Variants in AUTS2 observed in about 807,000 individuals in gnomAD.
AUTS2 encodes autism susceptibility gene 2 protein.
Under a neutral mutation model 112.4 loss-of-function variants are expected in AUTS2, and 17 were observed. The observed-to-expected ratio is 0.15, with a 90% CI of 0.10 to 0.23. The LOEUF (loss-of-function observed/expected upper bound fraction) is 0.23. AUTS2 is among the 10% of genes least tolerant of loss of function. The pLI, the probability that AUTS2 is intolerant of heterozygous loss-of-function variation, is 1.00. For synonymous variants in AUTS2, 751 were observed against 702.7 expected (o/e 1.07, Z -1.09); for missense variants, 1,510 against 1,701.6 (o/e 0.89, Z 1.98).
At chr7:69,738,336 G>T (rs1486623583) in intron 1 of AUTS2, among the ~76,000 whole-genome samples, 2 of 152,028 alleles carry the variant, frequency 1.3e-5, no homozygotes, top group Non-Finnish European at 2.9e-5. Flanking sequence ...ACTGTTCGTG[G>T]TATTTTATGT....
chr7:69,632,778 C>T (rs1226186407), intron 1 of AUTS2, among the ~76,000 whole-genome samples: 1 of 152,108 alleles, frequency 6.6e-6, no homozygotes, highest in Non-Finnish European at 1.5e-5. Context: ...AGAGCCACAA[C>T]ACTAAGTTTT....
At chr7:70,685,936 G>A (rs1480091258) in intron 5 of AUTS2, among the ~76,000 whole-genome samples, 2 of 152,140 alleles carry the variant, frequency 1.3e-5, no homozygotes, top group Non-Finnish European at 2.9e-5. Flanking sequence ...CCCATGCCCG[G>A]GAGCCCATGG....
intron 4 of AUTS2, among the ~76,000 whole-genome samples, chr7:70,186,682 C>T (rs1178698419): frequency 6.6e-6 from 1 of 152,158 alleles, no homozygotes; most frequent in East Asian, 1.9e-4. Flanking sequence ...GATTCTCCTG[C>T]CTCAGCCTTC....
intron 2 of AUTS2, among the ~76,000 whole-genome samples, chr7:70,021,182 A>G (rs1361782130): frequency 1.3e-5 from 2 of 151,798 alleles, no homozygotes; most frequent in African/African-American, 4.8e-5. Context: ...GGGTTTCTGT[A>G]TGTTGGTCAG....
chr7:70,243,717 C>T (rs1028149957), intron 4 of AUTS2, among the ~76,000 whole-genome samples: 28 of 152,134 alleles, frequency 1.8e-4, no homozygotes, highest in African/African-American at 6.3e-4. Context: ...GTACAATCTT[C>T]TAGACACATT....
chr7:70,325,024 G>A (rs932398711), intron 4 of AUTS2, among the ~76,000 whole-genome samples: 1 of 152,186 alleles, frequency 6.6e-6, no homozygotes. Context: ...GGAGAGATGA[G>A]CCAGGGTCCA....
intron 4 of AUTS2, among the ~76,000 whole-genome samples, chr7:70,228,475 T>C (rs1053905554): frequency 3.2e-4 from 48 of 152,034 alleles, no homozygotes; most frequent in Admixed American, 1.8e-3. Context: ...TTCATCTTTT[T>C]TTGTTCAGTT....
At chr7:70,617,066 A>G (rs1043305400) in intron 5 of AUTS2, among the ~76,000 whole-genome samples, 5 of 152,224 alleles carry the variant, frequency 3.3e-5, no homozygotes, top group Middle Eastern at 3.4e-3. Flanking sequence ...TTTTCATGTG[A>G]TGGTAAGACA....
At chr7:69,829,624 A>T (rs1372849706) in intron 1 of AUTS2, among the ~76,000 whole-genome samples, 6 of 152,230 alleles carry the variant, frequency 3.9e-5, no homozygotes, top group Non-Finnish European at 8.8e-5. Flanking sequence ...GCCAAAAAAC[A>T]TATGAAAAAA....
At chr7:70,139,086 C>T (rs968952183) in intron 4 of AUTS2, among the ~76,000 whole-genome samples, 8 of 152,196 alleles carry the variant, frequency 5.3e-5, no homozygotes, top group African/African-American at 1.9e-4. Context: ...CCCACCTCAG[C>T]CTTCCCAGTA....
chr7:70,146,422 G>A (rs754708135), intron 4 of AUTS2, among the ~76,000 whole-genome samples: 8 of 151,996 alleles, frequency 5.3e-5, no homozygotes, highest in East Asian at 3.9e-4. Flanking sequence ...TCTCCTGTAC[G>A]TTTGTGTTTG....
At chr7:70,016,737 A>AG (rs1394189602) in intron 2 of AUTS2, among the ~76,000 whole-genome samples, 1 of 149,296 alleles carries the variant, frequency 6.7e-6, no homozygotes, top group African/African-American at 2.5e-5. Flanking sequence ...GCTCGATCTC[A>AG]GCTTACTGCA....
intron 4 of AUTS2, among the ~76,000 whole-genome samples, chr7:70,309,003 C>G (rs1789615113): frequency 6.6e-6 from 1 of 152,140 alleles, no homozygotes; most frequent in Non-Finnish European, 1.5e-5. Context: ...ATGTTAATTA[C>G]CACTGCTTTT....
chr7:70,470,582 C>T (rs541108029), intron 5 of AUTS2, among the ~76,000 whole-genome samples: 12 of 152,146 alleles, frequency 7.9e-5, no homozygotes, highest in Non-Finnish European at 1.3e-4. Context: ...CTGGCTCATC[C>T]CTGGACGTGT....
intron 2 of AUTS2, among the ~76,000 whole-genome samples, chr7:69,994,120 A>G (rs1169158450): frequency 6.6e-6 from 1 of 152,102 alleles, no homozygotes; most frequent in Non-Finnish European, 1.5e-5. Context: ...TGTCCCAGCT[A>G]CTTGGGAGGC....
intron 1 of AUTS2, among the ~76,000 whole-genome samples, chr7:69,706,521 T>C (rs1158271608): frequency 6.6e-6 from 1 of 152,222 alleles, no homozygotes; most frequent in Admixed American, 6.5e-5. Flanking sequence ...CTGCCTTGGC[T>C]AACACCTTGC....
Position 69,599,438 on chromosome 7 carries a change from C to G in AUTS2, c.-216C>G. 1 of 411,206 alleles carries G rather than the reference C, an allele frequency of 2.4e-6. No homozygotes were observed. The highest frequency in any genetic ancestry group is 4.1e-6 in the Non-Finnish European group (1 of 245,842). The allele number at this position is 411,206 out of a possible 1,614,324, so 25.5% of individuals were successfully genotyped here. The stretch of plus-strand genomic sequence containing the variant: ...GGCTCCTCGCCTCTCGCCCTCGCTC[C>G]CCGTCCCTCCTCCCCTCTCTCCGCC... On this transcript the variant is annotated 5_prime_UTR_variant, in exon 1 of 19. Transcript: ENST00000342771. This position sits in a 1 kb window ranked among gnomAD's most constrained non-coding sequence, Gnocchi z 7.0.
intron 5 of AUTS2, among the ~76,000 whole-genome samples, chr7:70,670,200 A>G (rs1807563973): frequency 1.3e-5 from 2 of 152,172 alleles, no homozygotes; most frequent in East Asian, 3.8e-4. Context: ...TTTCTGTTTT[A>G]TGGTATTTTT....
At chr7:70,410,398 TTTTATTTATTTATTTATTTA>T (rs10631565) in intron 4 of AUTS2, among the ~76,000 whole-genome samples, 7,760 of 140,800 alleles carry the variant, frequency 0.055, 317 homozygotes, top group East Asian at 0.15. Flanking sequence ...AGGGTTTGTC[TTTTATTTATTTATTTATTTA>T]TTTATTTATT....
Sources: gnomAD v4.1 joint callset for allele counts (sites outside exome capture counted in the v4.1 genomes callset) on GRCh38, gnomAD v4.1.1 for gene constraint, Gnocchi (gnomAD v3.1) non-coding constraint, MANE v1.5 for transcripts, NCBI Gene and HGNC (gene_info 2026-07-23, HGNC 2026-07-21) for gene names.